Variants in PLXNA2 observed in about 807,000 individuals in gnomAD.
PLXNA2 encodes the protein plexin A2.
Under a neutral mutation model 193.5 loss-of-function variants are expected in PLXNA2, and 91 were observed. That is an observed-to-expected ratio of 0.47 (90% CI 0.40 to 0.56). PLXNA2 has a LOEUF of 0.56. Among genes scored for constraint, PLXNA2 ranks in the 20% least tolerant of loss-of-function variants. The pLI, the probability that PLXNA2 is intolerant of heterozygous loss-of-function variation, is 0.00. For synonymous variants in PLXNA2, 997 were observed against 1,027.3 expected, an observed-to-expected ratio of 0.97 and a Z score of 0.56; for missense variants, 1,995 against 2,503.2, an observed-to-expected ratio of 0.80 and a Z score of 4.33.
Position 208,103,202 on chromosome 1 carries a change from C to T in PLXNA2, c.1552G>A (p.Gly518Arg). ...VESCEQYTTC[G>R]ECLSSGDPHC... The stretch of plus-strand genomic sequence containing the variant: ...GGGTCCCCAGAGCTCAGGCACTCCC[C>T]ACAAGTCGTATACTGCTCACATGAC... The change falls in exon 5 of 32, where the codon GGG becomes AGG. Residue 518 changes from glycine (G) to arginine (R), a missense_variant. Transcript: ENST00000367033. 2 of 1,614,152 alleles carry T rather than the reference C, an allele frequency of 1.2e-6. No individual in the cohort carries two copies. Among genetic ancestry groups the T allele is most frequent in the Non-Finnish European group, 1.7e-6 (2 of 1,180,016 alleles).
intron 3 of PLXNA2, among the ~76,000 whole-genome samples, chr1:208,206,592 C>T (rs192301149): frequency 2.6e-5 from 4 of 152,298 alleles, no homozygotes; most frequent in African/African-American, 4.8e-5. Flanking sequence ...TCTTCTGTCT[C>T]ATCTAGTCTA....
chr1:208,197,646 C>T (rs1344948572), intron 3 of PLXNA2, among the ~76,000 whole-genome samples: 3 of 152,146 alleles, frequency 2.0e-5, no homozygotes, highest in Non-Finnish European at 4.4e-5. Flanking sequence ...CAGCCTCTTT[C>T]AAATAAGCTT....
intron 3 of PLXNA2, among the ~76,000 whole-genome samples, chr1:208,209,484 C>T (rs770601190): frequency 2.4e-4 from 37 of 152,232 alleles, no homozygotes; most frequent in South Asian, 2.1e-4. Context: ...TAGCTGAGAC[C>T]GGAAAGAATG....
Position 208,217,129 on chromosome 1 carries a change from C to A in PLXNA2, c.794G>T (p.Gly265Val), listed in dbSNP as rs1043954844. 6.2e-7 allele frequency: 1 copy of A among 1,614,188 alleles called. No individual in the cohort carries two copies. The highest frequency in any genetic ancestry group is 8.5e-7 in the Non-Finnish European group (1 of 1,180,036). The change falls in exon 2 of 32, where the codon GGT becomes GTT. Residue 265 changes from glycine (G) to valine (V), a missense_variant. By Grantham distance (109) the Gly-to-Val change is moderately radical (BLOSUM62 -3). This residue lies in a region of PLXNA2 where 702 missense variants were observed against 812.9 expected (regional missense o/e 0.86). Transcript: ENST00000367033. The surrounding 1 kb of genome is among the most constrained non-coding windows in gnomAD (Gnocchi z 4.7). The part of the protein sequence containing the change: ...FLTVQPETPE[G>V]VAINSAGDLF... ...GTCTCCAGCGGAGTTGATGGCCACA[C>A]CCTCAGGGGTCTCGGGCTGGACAGT...
At chr1:208,237,325 G>C (rs955461997) in intron 1 of PLXNA2, among the ~76,000 whole-genome samples, 4 of 152,280 alleles carry the variant, frequency 2.6e-5, no homozygotes, top group African/African-American at 7.2e-5. Context: ...ATTCAGATAA[G>C]AGTAGATGCA....
chr1:208,030,038 C>T, intron 29 of PLXNA2: 1 of 985,516 alleles, frequency 1.0e-6, no homozygotes, highest in Non-Finnish European at 1.2e-6. Flanking sequence ...CAAACTTTCC[C>T]AAATGTCTCA....
intron 4 of PLXNA2, among the ~76,000 whole-genome samples, chr1:208,108,190 A>G (rs892697635): frequency 2.0e-5 from 3 of 152,132 alleles, no homozygotes; most frequent in Non-Finnish European, 4.4e-5. Flanking sequence ...AGTAGCCCAC[A>G]GAGTGTCAGG....
intron 11 of PLXNA2, among the ~76,000 whole-genome samples, chr1:208,080,610 C>T (rs1488599741): frequency 1.3e-5 from 2 of 152,188 alleles, no homozygotes; most frequent in African/African-American, 2.4e-5. Context: ...TGTTCCTCTG[C>T]TATGTCCAGC....
intron 3 of PLXNA2, among the ~76,000 whole-genome samples, chr1:208,161,923 A>G (rs1233196244): frequency 1.3e-5 from 2 of 152,210 alleles, no homozygotes; most frequent in East Asian, 1.9e-4. Context: ...TTGAATCCAC[A>G]GTAAAAGGAG....
chr1:208,045,951 G>C lies in PLXNA2; in HGVS notation c.3422C>G (p.Pro1141Arg). ...GCTAAGCAGTTCAAAGGTCGGGTTG[G>C]GGTAGTAGATAAACTTGGTGTCGTT... ...IYNDTKFIYY[P>R]NPTFELLSPT... The change falls in exon 18 of 32, where the codon CCC (proline) becomes CGC (arginine). Residue 1141 changes from proline (P) to arginine (R), a missense_variant. Pro to Arg is a moderately radical substitution (Grantham distance 103). Transcript: ENST00000367033. 1 of 1,614,244 alleles carries C rather than the reference G, an allele frequency of 6.2e-7. No homozygotes were observed. Among genetic ancestry groups the C allele is most frequent in the Non-Finnish European group, 8.5e-7 (1 of 1,180,032 alleles).
rs543219779 is a variant in PLXNA2, at chr1:208,108,920, C to A, written c.1507-5673G>T. On this transcript the variant is annotated intron_variant, in intron 4 of 31. Transcript: ENST00000367033. ...TCTGCAAGATTTCTTTGCAATCATG[C>A]AAGAGAGACACAGAGGGATGAAAGG... Among the ~76,000 whole-genome samples the A allele has an allele frequency of 1.2e-4, 18 of 152,258 alleles. No individual in the cohort carries two copies. In the South Asian group the frequency reaches 2.5e-3, roughly 21 times the overall value.
intron 11 of PLXNA2, among the ~76,000 whole-genome samples, chr1:208,079,977 T>C (rs932284403): frequency 2.0e-5 from 3 of 152,170 alleles, no homozygotes; most frequent in Admixed American, 1.3e-4. Flanking sequence ...GCTGCTTTCC[T>C]CCATTGAAGG....
At chr1:208,048,849 G>C (rs1305069419) in intron 17 of PLXNA2, among the ~76,000 whole-genome samples, 1 of 152,140 alleles carries the variant, frequency 6.6e-6, no homozygotes, top group Non-Finnish European at 1.5e-5. Flanking sequence ...TTGCTGACTG[G>C]GGAGGGAATG....
chr1:208,238,734 A>T (rs1485506956), intron 1 of PLXNA2, among the ~76,000 whole-genome samples: 3 of 152,174 alleles, frequency 2.0e-5, no homozygotes, highest in Non-Finnish European at 4.4e-5. Flanking sequence ...AGCTCTTTTA[A>T]AAAAAAGTCT....
intron 9 of PLXNA2, among the ~76,000 whole-genome samples, chr1:208,090,901 C>T (rs1438805787): frequency 6.6e-6 from 1 of 152,218 alleles, no homozygotes; most frequent in African/African-American, 2.4e-5. Context: ...GCTAGGTCTG[C>T]CCCTCTAAGC....
In PLXNA2 at chr1:208,029,820, C is replaced by T. The variant is rs572650472; in HGVS notation, c.5226-778G>A. On this transcript the variant is annotated intron_variant, in intron 29 of 31. Coordinates refer to ENST00000367033, the MANE Select transcript of PLXNA2 (RefSeq NM_025179.4). The stretch of plus-strand genomic sequence containing the variant: ...ACCATAAAGCAAATAAGCCCATTTA[C>T]TCTCCTTCAAAATCAGAACAGCTGC... The T allele has an allele frequency of 3.2e-4, 311 of 985,514 alleles. 1 individual carries two copies. The highest frequency in any genetic ancestry group is 2.5e-4 in the Non-Finnish European group (204 of 829,968). The allele number at this position is 985,514 out of a possible 1,614,324, so 61.0% of individuals were successfully genotyped here. A position where few individuals can be genotyped will look rare whatever the true frequency, so the allele number is the denominator to read the frequency against.
chr1:208,216,664 C>T, intron 2 of PLXNA2, 71 bp downstream of exon 2: 1 of 1,526,482 alleles, frequency 6.6e-7, no homozygotes. Flanking sequence ...CAGATGTGCC[C>T]CAGGGCATGG....
chr1:208,078,172 A>G (rs1666221085), intron 12 of PLXNA2, among the ~76,000 whole-genome samples: 1 of 152,206 alleles, frequency 6.6e-6, no homozygotes, highest in Non-Finnish European at 1.5e-5. Context: ...AGTGGGGGTG[A>G]GAATACTTAT....
At position 208,044,635 on chromosome 1, in the gene PLXNA2, G is replaced by C; in HGVS notation, c.3747C>G (p.Leu1249=). The C allele has an allele frequency of 6.2e-7, 1 of 1,614,148 alleles. No homozygotes were observed. ...IVSIAAGGSL[L]LIIVIIVLIA... is the part of the protein sequence containing the mutation. Reference sequence around the variant, plus strand: ...TGAGGACGATGATGACGATGATGAGGAGGAGGCTGCCGCCGGCCGCGATGC... The same window carrying C: ...TGAGGACGATGATGACGATGATGAGCAGGAGGCTGCCGCCGGCCGCGATGC... The change falls in exon 20 of 32, where the codon CTC becomes CTG. Residue 1249 remains leucine, a synonymous_variant. Transcript: ENST00000367033. The surrounding 1 kb of genome is among the most constrained non-coding windows in gnomAD (Gnocchi z 4.9).
Sources: gnomAD v4.1 joint callset for allele counts (sites outside exome capture counted in the v4.1 genomes callset) on GRCh38, gnomAD v4.1.1 for gene constraint, gnomAD v4.1.1 regional missense constraint, Gnocchi (gnomAD v3.1) non-coding constraint, MANE v1.5 for transcripts, NCBI Gene and HGNC (gene_info 2026-07-23, HGNC 2026-07-21) for gene names.